The following PRKCA variants were observed in gnomAD, a reference collection of about 807,000 sequenced individuals.
The protein encoded by PRKCA is protein kinase C alpha.
A neutral mutation model predicts 87.0 loss-of-function variants in PRKCA; 27 were observed. The ratio of observed to expected loss-of-function variants is 0.31; its 90% CI spans 0.23 to 0.43. PRKCA has a LOEUF of 0.43. PRKCA is among the 20% of genes least tolerant of loss of function. PRKCA has a pLI of 1.00. For synonymous variants in PRKCA, 329 were observed against 311.1 expected (o/e 1.06, Z -0.61); for missense variants, 518 against 852.3 (o/e 0.61, Z 4.88).
chr17:66,802,418 G>A (rs912330649), intron 16 of PRKCA, among the ~76,000 whole-genome samples: 8 of 151,924 alleles, frequency 5.3e-5, no homozygotes, highest in Admixed American at 6.5e-5. Flanking sequence ...CCAGCTACTC[G>A]GGAGGCTGAG....
At chr17:66,731,148 C>T (rs976277820) in intron 8 of PRKCA, among the ~76,000 whole-genome samples, 2 of 151,964 alleles carry the variant, frequency 1.3e-5, no homozygotes, top group African/African-American at 2.4e-5. Flanking sequence ...GTCAGGAGTT[C>T]GAGACCAGGC....
At chr17:66,480,228 C>A (rs1915718343) in intron 2 of PRKCA, among the ~76,000 whole-genome samples, 1 of 152,042 alleles carries the variant, frequency 6.6e-6, no homozygotes, top group African/African-American at 2.4e-5. Flanking sequence ...TCCCCAGTTG[C>A]TCTCCACTGT....
intron 5 of PRKCA, among the ~76,000 whole-genome samples, chr17:66,661,550 A>G (rs1263201144): frequency 6.6e-6 from 1 of 152,224 alleles, no homozygotes; most frequent in Non-Finnish European, 1.5e-5. Context: ...ATGACTCATC[A>G]GTTCCTTTTG....
intron 2 of PRKCA, among the ~76,000 whole-genome samples, chr17:66,430,567 T>C (rs1913049818): frequency 6.6e-6 from 1 of 152,054 alleles, no homozygotes; most frequent in African/African-American, 2.4e-5. Flanking sequence ...ATGGGTCTGA[T>C]GCAGGTCCTT....
At chr17:66,318,087 C>A (rs1301711881) in intron 2 of PRKCA, among the ~76,000 whole-genome samples, 1 of 152,178 alleles carries the variant, frequency 6.6e-6, no homozygotes, top group Non-Finnish European at 1.5e-5. Context: ...ATTTGCCTAA[C>A]AATACTTCTG....
chr17:66,640,925 C>G, intron 3 of PRKCA: 1 of 395,688 alleles, frequency 2.5e-6, no homozygotes, highest in Non-Finnish European at 4.9e-6. Flanking sequence ...CTTTGGGAGG[C>G]CAAGGCTGGT....
chr17:66,761,579 C>T (rs1974686133), intron 13 of PRKCA, among the ~76,000 whole-genome samples: 1 of 151,822 alleles, frequency 6.6e-6, no homozygotes, highest in African/African-American at 2.4e-5. Context: ...GCCCCAGCCT[C>T]CCGAGCAGCT....
chr17:66,784,502 C>G (rs918633670), intron 14 of PRKCA, among the ~76,000 whole-genome samples: 2 of 152,214 alleles, frequency 1.3e-5, no homozygotes, highest in Non-Finnish European at 1.5e-5. Flanking sequence ...CCACGTTGGC[C>G]TCCCAAAGTG....
At chr17:66,440,307 CT>C (rs1349079327) in intron 2 of PRKCA, among the ~76,000 whole-genome samples, 1 of 152,232 alleles carries the variant, frequency 6.6e-6, no homozygotes, top group Non-Finnish European at 1.5e-5. Flanking sequence ...ACTCCTGATC[CT>C]TTGTACCTGA....
At chr17:66,341,782 C>G (rs1907057139) in intron 2 of PRKCA, among the ~76,000 whole-genome samples, 1 of 152,144 alleles carries the variant, frequency 6.6e-6, no homozygotes, top group African/African-American at 2.4e-5. Flanking sequence ...GTTTCTCTTT[C>G]ATTTATGTGA....
At chr17:66,620,295 T>G (rs1970639469) in intron 3 of PRKCA, among the ~76,000 whole-genome samples, 1 of 152,204 alleles carries the variant, frequency 6.6e-6, no homozygotes, top group Non-Finnish European at 1.5e-5. Context: ...AGTTCCCTCT[T>G]TACAATAGTC....
At chr17:66,551,798 A>G (rs934272800) in intron 3 of PRKCA, among the ~76,000 whole-genome samples, 10 of 152,116 alleles carry the variant, frequency 6.6e-5, no homozygotes, top group South Asian at 2.1e-4. Flanking sequence ...TGAGAGAGAG[A>G]GGGGGGAATT....
intron 14 of PRKCA, among the ~76,000 whole-genome samples, chr17:66,782,548 G>A (rs1975265619): frequency 6.6e-6 from 1 of 152,194 alleles, no homozygotes; most frequent in Admixed American, 6.5e-5. Flanking sequence ...ATTCATTAGA[G>A]CTGGAAAACC....
intron 2 of PRKCA, among the ~76,000 whole-genome samples, chr17:66,355,304 G>C (rs536118817): frequency 7.2e-4 from 109 of 152,278 alleles, no homozygotes; most frequent in Non-Finnish European, 1.4e-3. Flanking sequence ...GGGAAGTGCT[G>C]ATGAAAGGGA....
At chr17:66,768,100 G>A (rs566100776) in intron 13 of PRKCA, among the ~76,000 whole-genome samples, 9 of 151,932 alleles carry the variant, frequency 5.9e-5, no homozygotes, top group Non-Finnish European at 1.3e-4. Flanking sequence ...TGTGCCACCG[G>A]ACCCAGCTAA....
At chr17:66,731,351 G>GGAAAA (rs548166884) in intron 8 of PRKCA, among the ~76,000 whole-genome samples, 3 of 112,466 alleles carry the variant, frequency 2.7e-5, no homozygotes, top group African/African-American at 1.1e-4. Flanking sequence ...CTCCGTCTCA[G>GGAAAA]AAAAAAAAAA....
chr17:66,684,480 C>A (rs997541676), intron 5 of PRKCA, among the ~76,000 whole-genome samples: 5 of 152,220 alleles, frequency 3.3e-5, no homozygotes, highest in African/African-American at 1.2e-4. Context: ...CCATGAGTCA[C>A]ACTCACACAG....
rs375139110 is a variant in PRKCA at position 66,670,766 on chromosome 17, G to A, written c.530-16345G>A. ...AGTCCCAGCTACTCGGGAGGCTGAG[G>A]TAGGAGGATTGCTTGAGCACAGGAG... On this transcript the variant is annotated intron_variant, in intron 5 of 16. Transcript: ENST00000413366. Among the ~76,000 whole-genome samples the A allele has an allele frequency of 1.2e-4, 19 of 152,198 alleles. No homozygotes were observed. The East Asian group carries it at 3.7e-3, about 29-fold the overall frequency.
chr17:66,519,465 A>G (rs982992597), intron 3 of PRKCA, among the ~76,000 whole-genome samples: 1 of 152,146 alleles, frequency 6.6e-6, no homozygotes, highest in Non-Finnish European at 1.5e-5. Context: ...GTTGGAAGGT[A>G]TAGTGGACTC....
Sources: gnomAD v4.1 joint callset for allele counts (sites outside exome capture counted in the v4.1 genomes callset) on GRCh38, gnomAD v4.1.1 for gene constraint, MANE v1.5 for transcripts, NCBI Gene and HGNC (gene_info 2026-07-23, HGNC 2026-07-21) for gene names.